Variants in SOS1 observed in about 807,000 individuals in gnomAD.
SOS1 encodes the protein son of sevenless homolog 1.
In SOS1, 25 loss-of-function variants were observed where a neutral mutation model predicts 157.6. That is an observed-to-expected ratio of 0.16 (90% CI 0.12 to 0.22). The LOEUF (loss-of-function observed/expected upper bound fraction) is 0.22. Ranked by LOEUF, SOS1 falls within the 10% of genes least tolerant of loss-of-function variation. The probability of loss-of-function intolerance (pLI) is 1.00; values close to 1 mark genes in which losing one functional copy is unlikely to be tolerated. For synonymous variants in SOS1, 528 were observed against 534.0 expected, an observed-to-expected ratio of 0.99 and a Z score of 0.16; for missense variants, 1,237 against 1,599.1, an observed-to-expected ratio of 0.77 and a Z score of 3.86.
At chr2:39,086,894 C>A (rs1672395591) in intron 1 of SOS1, among the ~76,000 whole-genome samples, 1 of 152,082 alleles carries the variant, frequency 6.6e-6, no homozygotes, top group Non-Finnish European at 1.5e-5. Flanking sequence ...CTCACTGCAA[C>A]CTCTGCCTCC....
At chr2:39,048,974 G>A (rs1439263336) in intron 6 of SOS1, among the ~76,000 whole-genome samples, 2 of 152,134 alleles carry the variant, frequency 1.3e-5, no homozygotes, top group Admixed American at 6.5e-5. Flanking sequence ...CTGGACGGCA[G>A]TGGTGCGATC....
chr2:39,112,801 G>T (rs968252127), intron 1 of SOS1, among the ~76,000 whole-genome samples: 1 of 152,190 alleles, frequency 6.6e-6, no homozygotes, highest in Non-Finnish European at 1.5e-5. Flanking sequence ...CACTTCGGTA[G>T]GCCGAGGCGG....
chr2:39,058,207 G>A (rs921263989), intron 3 of SOS1, among the ~76,000 whole-genome samples: 6 of 151,988 alleles, frequency 3.9e-5, no homozygotes, highest in African/African-American at 1.4e-4. Context: ...TCAACTGACT[G>A]ACTGACTTAT....
intron 1 of SOS1, among the ~76,000 whole-genome samples, chr2:39,118,600 G>A (rs1000496322): frequency 6.6e-6 from 1 of 152,154 alleles, no homozygotes; most frequent in Non-Finnish European, 1.5e-5. Flanking sequence ...TGGGGGCTGT[G>A]GTAAGGTGGA....
At chr2:39,050,739 G>T (rs1239532735) in intron 6 of SOS1, among the ~76,000 whole-genome samples, 5 of 152,146 alleles carry the variant, frequency 3.3e-5, no homozygotes, top group Non-Finnish European at 5.9e-5. Flanking sequence ...AGATACGGAG[G>T]TTTAAAGAAA....
chr2:39,051,748 G>A (rs1038455698), intron 5 of SOS1, among the ~76,000 whole-genome samples: 6 of 152,098 alleles, frequency 3.9e-5, no homozygotes, highest in Non-Finnish European at 8.8e-5. Context: ...GAATGGCAAT[G>A]TTTTACATTT....
chr2:39,057,914 T>A (rs1001559758), intron 3 of SOS1, among the ~76,000 whole-genome samples: 2 of 152,026 alleles, frequency 1.3e-5, no homozygotes, highest in Non-Finnish European at 2.9e-5. Context: ...AAGAGTCTTG[T>A]GAACTTGGCA....
rs1010673434 is a variant in SOS1 at position 39,034,986 on chromosome 2, A to G, written c.1074+226T>C. ...AAAAACCAAAAATAAAAAAAAGAAA[A>G]AACAAAAAACAAAAAAATTAAAAAA... On this transcript the variant is annotated intron_variant, in intron 8 of 22. Transcript: ENST00000402219. 1.3e-5 allele frequency: 8 copies of G among 607,248 alleles called. No individual in the cohort carries two copies. The African/African-American group carries it at 1.5e-4, about 11-fold the overall frequency. 37.6% of individuals were successfully genotyped at this position (607,248 alleles called of 1,614,324 possible).
intron 20 of SOS1, 94 bp from the exon 21 acceptor site, chr2:38,989,408 T>G: frequency 1.3e-6 from 1 of 795,308 alleles, no homozygotes; most frequent in East Asian, 2.6e-5. Flanking sequence ...AATGTTATTG[T>G]CATTGTCGTT....
chr2:39,081,392 C>A (rs1558504760), intron 1 of SOS1, among the ~76,000 whole-genome samples: 1 of 151,614 alleles, frequency 6.6e-6, no homozygotes, highest in East Asian at 1.9e-4. Context: ...TGGCAATGTG[C>A]AGCTGTAATG....
At chr2:39,099,030 G>C (rs963359362) in intron 1 of SOS1, among the ~76,000 whole-genome samples, 2 of 152,124 alleles carry the variant, frequency 1.3e-5, no homozygotes, top group Admixed American at 6.5e-5. Flanking sequence ...TCAGTTATTA[G>C]GGTAATACAA....
chr2:39,001,543 A>G lies in SOS1; in HGVS notation c.2792-4118T>C, dbSNP rs530272937. Among the ~76,000 whole-genome samples the G allele has an allele frequency of 7.2e-5, 11 of 152,334 alleles. No homozygotes were observed. In the East Asian group the frequency reaches 2.1e-3, roughly 29 times the overall value. ...AAAAGATGGGACTAACGCTGGTAAA[A>G]TAATAGAGGAAGTATCAGCTACTAT... On this transcript the variant is annotated intron_variant, in intron 17 of 22. Coordinates refer to ENST00000402219, the MANE Select transcript of SOS1 (RefSeq NM_005633.4).
chr2:39,028,549 T>C (rs998478946), intron 8 of SOS1, among the ~76,000 whole-genome samples: 3 of 152,206 alleles, frequency 2.0e-5, no homozygotes, highest in African/African-American at 7.2e-5. Context: ...GGAACTACCA[T>C]TTACTTGAAG....
At chr2:39,009,465 AT>A (rs1669390814) in intron 15 of SOS1, among the ~76,000 whole-genome samples, 1 of 152,218 alleles carries the variant, frequency 6.6e-6, no homozygotes, top group Non-Finnish European at 1.5e-5. Flanking sequence ...TAATTGTGTA[AT>A]TATTAAAGAC....
At chr2:39,117,773 G>C (rs1673709182) in intron 1 of SOS1, among the ~76,000 whole-genome samples, 1 of 152,186 alleles carries the variant, frequency 6.6e-6, no homozygotes, top group African/African-American at 2.4e-5. Flanking sequence ...AGGAGGAATA[G>C]ACTAGAAGAA....
At chr2:39,073,309 T>C (rs1671850783) in intron 1 of SOS1, among the ~76,000 whole-genome samples, 1 of 152,220 alleles carries the variant, frequency 6.6e-6, no homozygotes, top group African/African-American at 2.4e-5. Flanking sequence ...GGTTTTGCCA[T>C]TTAATGGCAA....
At chr2:39,085,149 G>C (rs1470248824) in intron 1 of SOS1, among the ~76,000 whole-genome samples, 2 of 152,092 alleles carry the variant, frequency 1.3e-5, no homozygotes, top group African/African-American at 4.8e-5. Flanking sequence ...GGGCCCAAGT[G>C]ATTCTCCCAC....
At chr2:39,031,661 T>C (rs149541492) in intron 8 of SOS1, among the ~76,000 whole-genome samples, 1,785 of 152,104 alleles carry the variant, frequency 0.012, 18 homozygotes, top group Middle Eastern at 0.058. Context: ...AAGGCAGAGT[T>C]TGCAGTGAGC....
chr2:39,113,833 C>T (rs1286747560), intron 1 of SOS1, among the ~76,000 whole-genome samples: 2 of 152,198 alleles, frequency 1.3e-5, no homozygotes, highest in Non-Finnish European at 2.9e-5. Context: ...AAATGTCTTA[C>T]CCAATCTTGA....
Sources: gnomAD v4.1 joint callset for allele counts (sites outside exome capture counted in the v4.1 genomes callset) on GRCh38, gnomAD v4.1.1 for gene constraint, MANE v1.5 for transcripts, NCBI Gene and HGNC (gene_info 2026-07-23, HGNC 2026-07-21) for gene names.